FAT4: variants seen among roughly 807,000 people sequenced by gnomAD.
The protein encoded by FAT4 is FAT atypical cadherin 4, also known as protocadherin Fat 4.
Under a neutral mutation model 303.9 loss-of-function variants are expected in FAT4, and 84 were observed. The ratio of observed to expected loss-of-function variants is 0.28; its 90% CI spans 0.23 to 0.33. The LOEUF is 0.33. FAT4 is among the 10% of genes least tolerant of loss of function. The probability of loss-of-function intolerance (pLI) is 1.00; values close to 1 mark genes in which losing one functional copy is unlikely to be tolerated. For synonymous variants in FAT4, 2,307 were observed against 2,298.8 expected, an observed-to-expected ratio of 1.00 and a Z score of -0.10; for missense variants, 6,005 against 6,146.8, an observed-to-expected ratio of 0.98 and a Z score of 0.77.
chr4:125,429,526 A>T (rs1207993647), intron 7 of FAT4, among the ~76,000 whole-genome samples: 1 of 152,156 alleles, frequency 6.6e-6, no homozygotes, highest in African/African-American at 2.4e-5. Flanking sequence ...CTCTCTGTCT[A>T]TTCTGGCTAA....
Position 125,321,305 on chromosome 4 carries a change from C to A in FAT4, c.4894C>A (p.Pro1632Thr). The change falls in exon 2 of 18, where the codon CCC (proline) becomes ACC (threonine). Residue 1632 changes from proline (P) to threonine (T), a missense_variant. Physicochemically the swap from Pro to Thr is conservative, Grantham distance 38 (BLOSUM62 -1). Coordinates refer to ENST00000394329, the MANE Select transcript of FAT4 (RefSeq NM_001291303.3). Reference sequence around the variant, plus strand: ...CCTTGATGGACCTGTTTTTACTCAACCCAAATATATAACTATTTTGAAGGA... The same window carrying A: ...CCTTGATGGACCTGTTTTTACTCAAACCAAATATATAACTATTTTGAAGGA... ...QGLDGPVFTQ[P>T]KYITILKEGE... The A allele has an allele frequency of 6.2e-7, 1 of 1,614,090 alleles. No individual in the cohort carries two copies. The highest frequency in any genetic ancestry group is 1.1e-5 in the South Asian group (1 of 91,080).
intron 2 of FAT4, among the ~76,000 whole-genome samples, chr4:125,372,848 T>G (rs1733174916): frequency 6.6e-6 from 1 of 152,202 alleles, no homozygotes. Context: ...AAAAGTTGTC[T>G]TGATCAATAT....
intron 9 of FAT4, among the ~76,000 whole-genome samples, 185 bp from the exon 10 acceptor site, chr4:125,448,276 A>G (rs1319861242): frequency 6.6e-6 from 1 of 152,138 alleles, no homozygotes; most frequent in Non-Finnish European, 1.5e-5. Context: ...GTCTCTGAAG[A>G]CAATCATAGA....
chr4:125,480,162 G>A (rs1221393994), intron 15 of FAT4, among the ~76,000 whole-genome samples: 1 of 151,928 alleles, frequency 6.6e-6, no homozygotes. Flanking sequence ...CAATCTAAAA[G>A]ATCAAAGGTT....
Position 125,317,109 on chromosome 4 carries a change from A to T in FAT4, c.698A>T (p.Tyr233Phe), listed in dbSNP as rs756400976. ...AAGGGTGAGCCTAAGCGGCGGGGCT[A>T]CCTTCAGGTAAACGTGACTGTGCAA... is the stretch of plus-strand genomic sequence containing the variant. ...EDKGEPKRRG[Y>F]LQVNVTVQDI... Residue 233 changes from tyrosine (Y) to phenylalanine (F), a missense_variant, in exon 2 of 18, where the codon TAC becomes TTC. Physicochemically the swap from Tyr to Phe is conservative, Grantham distance 22. Transcript: ENST00000394329. The surrounding 1 kb of genome is among the most constrained non-coding windows in gnomAD (Gnocchi z 7.0). 8 of 1,613,780 alleles carry T rather than the reference A, an allele frequency of 5.0e-6. No homozygotes were observed. Among genetic ancestry groups the T allele is most frequent in the Non-Finnish European group, 6.8e-6 (8 of 1,180,028 alleles).
At chr4:125,466,507 G>A (rs1053219087) in intron 11 of FAT4, among the ~76,000 whole-genome samples, 3 of 150,832 alleles carry the variant, frequency 2.0e-5, no homozygotes, top group African/African-American at 7.3e-5. Flanking sequence ...TACTCTTTCT[G>A]CATAGATAGC....
Position 125,319,002 on chromosome 4 carries a change from T to G in FAT4, c.2591T>G (p.Leu864Arg). 6.2e-7 allele frequency: 1 copy of G among 1,614,192 alleles called. No individual in the cohort carries two copies. Among genetic ancestry groups the G allele is most frequent in the Non-Finnish European group, 8.5e-7 (1 of 1,180,048 alleles). The change falls in exon 2 of 18, where the codon CTG becomes CGG. Residue 864 changes from leucine (L) to arginine (R), a missense_variant. By Grantham distance (102) the Leu-to-Arg change is moderately radical (BLOSUM62 -2). Transcript: ENST00000394329. ...AGAGAAGAGCAATCCTTTTATCAGC[T>G]GAAGGTAGTGGCCAGTGGGGGCACA... ...IDREEQSFYQ[L>R]KVVASGGTVT... is the part of the protein sequence containing the mutation.
intron 2 of FAT4, among the ~76,000 whole-genome samples, chr4:125,368,819 T>A (rs1732992018): frequency 6.6e-6 from 1 of 152,008 alleles, no homozygotes; most frequent in Admixed American, 6.6e-5. Context: ...TTCTGGAAAC[T>A]GTACTTTTTA....
chr4:125,414,807 C>T (rs1734974793), intron 5 of FAT4, 77 bp from the exon 6 acceptor site: 4 of 966,664 alleles, frequency 4.1e-6, no homozygotes, highest in Non-Finnish European at 1.6e-6. Context: ...TGCCAAATTA[C>T]TTGCTAAAAG....
chr4:125,316,909 A>G lies in FAT4; in HGVS notation c.498A>G (p.Ser166=). 1 of 1,614,018 alleles carries G rather than the reference A, an allele frequency of 6.2e-7. No individual in the cohort carries two copies. Among genetic ancestry groups the G allele is most frequent in the Admixed American group, 1.7e-5 (1 of 60,018 alleles). ...LDTATDSDIG[S]NGVDHRSYRI... is the part of the protein sequence containing the mutation. ...CCGCCACCGACTCGGACATCGGCTC[A>G]AACGGTGTGGACCACCGCTCCTACC... The change falls in exon 2 of 18, where the codon TCA becomes TCG. Residue 166 remains serine, a synonymous_variant. Coordinates refer to ENST00000394329, the MANE Select transcript of FAT4 (RefSeq NM_001291303.3). This position sits in a 1 kb window ranked among gnomAD's most constrained non-coding sequence, Gnocchi z 5.7.
At position 125,316,029 on chromosome 4, in the gene FAT4, C is replaced by T. The variant is rs190725898; in HGVS notation, c.-13+52C>T. ...TTCTTTGCAATGATTCCTCATATACCTTAGATACAGGCAACTTCTCCCAAC... is the reference window on the plus strand; with the variant it reads ...TTCTTTGCAATGATTCCTCATATACTTTAGATACAGGCAACTTCTCCCAAC... On this transcript the variant is annotated intron_variant, in intron 1 of 17. Coordinates refer to ENST00000394329, the MANE Select transcript of FAT4 (RefSeq NM_001291303.3). This position sits in a 1 kb window ranked among gnomAD's most constrained non-coding sequence, Gnocchi z 5.7. Among the ~76,000 whole-genome samples the T allele has an allele frequency of 2.0e-5, 3 of 152,264 alleles. No homozygotes were observed. The highest frequency in any genetic ancestry group is 7.2e-5 in the African/African-American group (3 of 41,546).
Position 125,452,480 on chromosome 4 carries a change from G to A in FAT4, c.11470G>A (p.Ala3824Thr), listed in dbSNP as rs768733407. Residue 3824 changes from alanine to threonine, a missense_variant, in exon 10 of 18, where the codon GCT becomes ACT. Coordinates refer to ENST00000394329, the MANE Select transcript of FAT4 (RefSeq NM_001291303.3). Reference sequence around the variant, plus strand: ...TGGAGGGAGCTGTCTACGAAGATTGGCTGTGAGCTCCGTATTAAAAAGCCG... The same window carrying A: ...TGGAGGGAGCTGTCTACGAAGATTGACTGTGAGCTCCGTATTAAAAAGCCG... ...QNGGSCLRRLAVSSVLKSRES... is the reference protein window; with the variant it reads ...QNGGSCLRRLTVSSVLKSRES... The A allele has an allele frequency of 6.2e-6, 10 of 1,613,954 alleles. No individual in the cohort carries two copies. Among genetic ancestry groups the A allele is most frequent in the East Asian group, 2.2e-5 (1 of 44,870 alleles).
intron 7 of FAT4, among the ~76,000 whole-genome samples, chr4:125,432,058 T>C (rs2126042153): frequency 6.6e-6 from 1 of 152,302 alleles, no homozygotes; most frequent in South Asian, 2.1e-4. Flanking sequence ...ATTATTGTGC[T>C]CAAATGTCCC....
At chr4:125,363,196 A>G (rs6817722) in intron 2 of FAT4, among the ~76,000 whole-genome samples, 43,900 of 151,940 alleles carry the variant, frequency 0.29, 7,635 homozygotes, top group Non-Finnish European at 0.39. Context: ...TTTCAAAGAC[A>G]TGGAATTTGT....
At chr4:125,412,545 C>T (rs1247230914) in intron 5 of FAT4, among the ~76,000 whole-genome samples, 1 of 151,312 alleles carries the variant, frequency 6.6e-6, no homozygotes, top group Non-Finnish European at 1.5e-5. Flanking sequence ...CTTCCCTTAC[C>T]CATTCATCTA....
chr4:125,450,452 T>C lies in FAT4; in HGVS notation c.9442T>C (p.Leu3148=). The part of the protein sequence containing the change: ...IFAINSSTGI[L]TLAKALDYEL... ...TGCAATCAATTCTTCTACAGGTATA[T>C]TAACACTAGCCAAAGCTCTTGATTA... The change falls in exon 10 of 18, where the codon TTA becomes CTA. Residue 3148 remains leucine, a synonymous_variant. Coordinates refer to ENST00000394329, the MANE Select transcript of FAT4 (RefSeq NM_001291303.3). 6.2e-7 allele frequency: 1 copy of C among 1,614,096 alleles called. No homozygotes were observed. The highest frequency in any genetic ancestry group is 8.5e-7 in the Non-Finnish European group (1 of 1,180,018).
chr4:125,489,870 T>TTTTTTTTTTA lies in FAT4; in HGVS notation c.13085-31_13085-30insTTTTTTTTTA. 12 of 1,185,620 alleles carry TTTTTTTTTTA rather than the reference T, an allele frequency of 1.0e-5. 1 individual carries two copies. Among genetic ancestry groups the TTTTTTTTTTA allele is most frequent in the African/African-American group, 3.7e-5 (2 of 54,652 alleles). 73.4% of individuals were successfully genotyped at this position (1,185,620 alleles called of 1,614,324 possible). On this transcript the variant is annotated intron_variant, in intron 17 of 17. Coordinates refer to ENST00000394329, the MANE Select transcript of FAT4 (RefSeq NM_001291303.3). ...CTCTTTTTTTTTTTTTTTTTTTTTG[T>TTTTTTTTTTA]AAAAAGCCTTACTCCTTCTTCTTCT...
chr4:125,484,837 T>C (rs114162318), intron 16 of FAT4, among the ~76,000 whole-genome samples: 16 of 151,994 alleles, frequency 1.1e-4, no homozygotes, highest in Non-Finnish European at 2.1e-4. Context: ...AAAGGCTGCA[T>C]TGAAGATTTT....
intron 2 of FAT4, among the ~76,000 whole-genome samples, chr4:125,378,944 G>T (rs2125997039): frequency 6.6e-6 from 1 of 152,150 alleles, no homozygotes; most frequent in African/African-American, 2.4e-5. Flanking sequence ...AAAATTGCTT[G>T]ACTTGCAACT....
Sources: gnomAD v4.1 joint callset for allele counts (sites outside exome capture counted in the v4.1 genomes callset) on GRCh38, gnomAD v4.1.1 for gene constraint, Gnocchi (gnomAD v3.1) non-coding constraint, MANE v1.5 for transcripts, NCBI Gene and HGNC (gene_info 2026-07-23, HGNC 2026-07-21) for gene names.